The following BNC2 variants were observed in gnomAD, a reference collection of about 807,000 sequenced individuals.
The protein encoded by BNC2 is zinc finger protein basonuclin-2.
In BNC2, 20 loss-of-function variants were observed where a neutral mutation model predicts 76.3. The ratio of observed to expected loss-of-function variants is 0.26; its 90% CI spans 0.18 to 0.38. The LOEUF (loss-of-function observed/expected upper bound fraction) is 0.38. BNC2 is among the 10% of genes least tolerant of loss of function. The pLI, the probability that BNC2 is intolerant of heterozygous loss-of-function variation, is 1.00. For missense variants in BNC2, 1,382 were observed against 1,399.8 expected, an observed-to-expected ratio of 0.99 and a Z score of 0.20; for synonymous variants, 582 against 514.8, an observed-to-expected ratio of 1.13 and a Z score of -1.77.
intron 1 of BNC2, among the ~76,000 whole-genome samples, chr9:16,862,141 T>C (rs188817279): frequency 6.6e-6 from 1 of 152,308 alleles, no homozygotes; most frequent in East Asian, 1.9e-4. Flanking sequence ...AGATAGGCCA[T>C]ACTATCCAAC....
chr9:16,826,260 G>A (rs1372865800), intron 1 of BNC2, among the ~76,000 whole-genome samples: 2 of 131,076 alleles, frequency 1.5e-5, no homozygotes, highest in Non-Finnish European at 3.1e-5. Context: ...GAGACTTGCT[G>A]TTTCTGTGAT....
intron 1 of BNC2, among the ~76,000 whole-genome samples, chr9:16,847,622 C>T (rs1244014386): frequency 6.6e-6 from 1 of 152,182 alleles, no homozygotes; most frequent in African/African-American, 2.4e-5. Context: ...TTAATTTTGA[C>T]AATTAAAAGC....
At chr9:16,611,374 A>C (rs938511144) in intron 3 of BNC2, among the ~76,000 whole-genome samples, 1 of 152,082 alleles carries the variant, frequency 6.6e-6, no homozygotes, top group African/African-American at 2.4e-5. Context: ...ATTATCTGGA[A>C]AACGGCTGTA....
At chr9:16,492,160 A>C (rs1037273107) in intron 5 of BNC2, among the ~76,000 whole-genome samples, 1 of 152,188 alleles carries the variant, frequency 6.6e-6, no homozygotes, top group Admixed American at 6.5e-5. Flanking sequence ...CCTTAAAAAA[A>C]AAACAAAAAC....
rs139349672 is a variant in BNC2, at chr9:16,807,641, G to A, written c.3+63005C>T. 6.5e-3 allele frequency among the ~76,000 whole-genome samples: 990 copies of A among 152,292 alleles called. 8 individuals are homozygous for A. The highest frequency in any genetic ancestry group is 0.027 in the Middle Eastern group (8 of 294). On this transcript the variant is annotated intron_variant, in intron 1 of 6. Transcript: ENST00000380672. ...CTATCTGTGGGAAGGAAGTAAAAGA[G>A]TGACAGAAGACACTTAATTCCTGCT...
At chr9:16,494,258 T>C (rs896191900) in intron 5 of BNC2, among the ~76,000 whole-genome samples, 3 of 152,054 alleles carry the variant, frequency 2.0e-5, no homozygotes, top group Non-Finnish European at 4.4e-5. Context: ...ATTCAAGCGA[T>C]TCTCCTGTCT....
At chr9:16,805,863 T>C (rs986544503) in intron 1 of BNC2, among the ~76,000 whole-genome samples, 4 of 152,182 alleles carry the variant, frequency 2.6e-5, no homozygotes, top group Non-Finnish European at 5.9e-5. Flanking sequence ...TGCTCAGGCA[T>C]TAAATACTGA....
chr9:16,860,825 C>T (rs1819387377), intron 1 of BNC2, among the ~76,000 whole-genome samples: 1 of 152,110 alleles, frequency 6.6e-6, no homozygotes, highest in Non-Finnish European at 1.5e-5. Flanking sequence ...AGCAGATCAC[C>T]TGAGGCCAGG....
intron 5 of BNC2, among the ~76,000 whole-genome samples, chr9:16,516,572 T>C (rs936498605): frequency 2.0e-5 from 3 of 152,146 alleles, no homozygotes; most frequent in Non-Finnish European, 4.4e-5. Context: ...TCTTTATTTC[T>C]ATCCCAAAGC....
intron 3 of BNC2, among the ~76,000 whole-genome samples, chr9:16,697,038 G>C (rs1159062237): frequency 6.6e-6 from 1 of 152,150 alleles, no homozygotes; most frequent in Non-Finnish European, 1.5e-5. Context: ...TTCTAGAAAG[G>C]GGGAAATACC....
chr9:16,823,602 C>CAA, intron 1 of BNC2, among the ~76,000 whole-genome samples: 1 of 112,808 alleles, frequency 8.9e-6, no homozygotes, highest in East Asian at 2.4e-4. Flanking sequence ...GATCCTGTTT[C>CAA]AAAAAAAAAA....
intron 1 of BNC2, among the ~76,000 whole-genome samples, chr9:16,743,495 C>A (rs528643333): frequency 6.6e-6 from 1 of 152,158 alleles, no homozygotes; most frequent in African/African-American, 2.4e-5. Flanking sequence ...CTATCAGAGG[C>A]GTGGACCTTT....
At chr9:16,673,967 T>A (rs1056178759) in intron 3 of BNC2, among the ~76,000 whole-genome samples, 2 of 152,232 alleles carry the variant, frequency 1.3e-5, no homozygotes, top group African/African-American at 4.8e-5. Context: ...TACCTATCTC[T>A]CTTGCCAACA....
intron 1 of BNC2, among the ~76,000 whole-genome samples, chr9:16,852,972 C>T (rs1481025160): frequency 6.6e-6 from 1 of 152,100 alleles, no homozygotes; most frequent in Non-Finnish European, 1.5e-5. Context: ...ATATCCTTTT[C>T]AGTGATGGTA....
chr9:16,869,035 C>T (rs533996307), intron 1 of BNC2, among the ~76,000 whole-genome samples: 9 of 152,244 alleles, frequency 5.9e-5, no homozygotes, highest in African/African-American at 1.9e-4. Context: ...CATGTGTAGA[C>T]AAATAGTTAA....
chr9:16,683,109 G>T (rs1822872470), intron 3 of BNC2, among the ~76,000 whole-genome samples: 1 of 152,166 alleles, frequency 6.6e-6, no homozygotes, highest in South Asian at 2.1e-4. Context: ...CACAGCAGAA[G>T]TCCTTGCAAA....
intron 1 of BNC2, among the ~76,000 whole-genome samples, chr9:16,817,713 T>A (rs1394310613): frequency 6.6e-6 from 1 of 152,162 alleles, no homozygotes; most frequent in Non-Finnish European, 1.5e-5. Context: ...GCAACAGAAG[T>A]AGATCCAGGA....
intron 1 of BNC2, among the ~76,000 whole-genome samples, chr9:16,861,683 G>A (rs1178469268): frequency 6.6e-6 from 1 of 152,106 alleles, no homozygotes; most frequent in East Asian, 1.9e-4. Flanking sequence ...ACTAAGATCT[G>A]TAAAAATAAA....
intron 1 of BNC2, among the ~76,000 whole-genome samples, chr9:16,761,072 G>A (rs947899118): frequency 6.4e-5 from 8 of 125,878 alleles, no homozygotes; most frequent in African/African-American, 1.0e-4. Flanking sequence ...GAGCGGCCCC[G>A]TCTCTACAAA....
Sources: allele counts gnomAD v4.1 joint callset (sites outside exome capture counted in the v4.1 genomes callset), GRCh38; gene constraint gnomAD v4.1.1; transcripts MANE v1.5; gene names NCBI Gene and HGNC (gene_info 2026-07-23, HGNC 2026-07-21).